Variants in NPAT observed in about 807,000 individuals in gnomAD.
The protein encoded by NPAT is protein NPAT.
A neutral mutation model predicts 130.7 loss-of-function variants in NPAT; 52 were observed. That is an observed-to-expected ratio of 0.40 (90% CI 0.32 to 0.50). The LOEUF (loss-of-function observed/expected upper bound fraction) is 0.50. NPAT is among the 20% of genes least tolerant of loss of function. The pLI, the probability that NPAT is intolerant of heterozygous loss-of-function variation, is 0.68. For missense variants in NPAT, 1,687 were observed against 1,662.6 expected, an observed-to-expected ratio of 1.01 and a Z score of -0.26; for synonymous variants, 580 against 584.8, an observed-to-expected ratio of 0.99 and a Z score of 0.12.
In NPAT at chr11:108,189,108, G is replaced by C; in HGVS notation, c.554C>G (p.Thr185Ser). Residue 185 changes from threonine (T) to serine (S), a missense_variant and splice_region_variant, in exon 6 of 18, where the codon ACC (threonine) becomes AGC (serine). By Grantham distance (58) the Thr-to-Ser change is moderately conservative. Coordinates refer to ENST00000278612, the MANE Select transcript of NPAT (RefSeq NM_002519.3). ...VNHSQSQDTV[T>S]TGEALNVIPG... ...AAGAGAACAAAATGTAAACTTACTG[G>C]TTACAGTATCTTGTGACTGTGAGTG... 1 of 1,609,964 alleles carries C rather than the reference G, an allele frequency of 6.2e-7. No homozygotes were observed. The highest frequency in any genetic ancestry group is 8.5e-7 in the Non-Finnish European group (1 of 1,176,472).
At chr11:108,192,398 G>A (rs1178807378) in intron 3 of NPAT, among the ~76,000 whole-genome samples, 1 of 152,120 alleles carries the variant, frequency 6.6e-6, no homozygotes, top group Non-Finnish European at 1.5e-5. Context: ...TACAATATGA[G>A]TAGAAATGGA....
At chr11:108,192,725 G>C (rs2078182369) in intron 3 of NPAT, among the ~76,000 whole-genome samples, 1 of 152,032 alleles carries the variant, frequency 6.6e-6, no homozygotes, top group African/African-American at 2.4e-5. Context: ...GGAGGCTGAG[G>C]TGGGCAGATC....
intron 2 of NPAT, among the ~76,000 whole-genome samples, chr11:108,194,443 A>G (rs2078200886): frequency 6.6e-6 from 1 of 152,224 alleles, no homozygotes; most frequent in Non-Finnish European, 1.5e-5. Context: ...CACAGTGAGA[A>G]ATCTGGCTCC....
Position 108,189,287 on chromosome 11 carries a change from C to A in NPAT, c.375G>T (p.Lys125Asn). ...TGIAEIKRQR[K>N]LASQTAPASA... Reference sequence around the variant, plus strand: ...TGGCTGGAGCTGTTTGAGATGCAAGCTTTCTCTGCCGTTTGATTTCTGCAA... The same window carrying A: ...TGGCTGGAGCTGTTTGAGATGCAAGATTTCTCTGCCGTTTGATTTCTGCAA... The change falls in exon 6 of 18, where the codon AAG becomes AAT. Residue 125 changes from lysine to asparagine, a missense_variant. Around this residue, in one of 3 missense-constraint regions of NPAT, gnomAD observed 307 missense variants for 298.9 expected, o/e 1.03. Coordinates refer to ENST00000278612, the MANE Select transcript of NPAT (RefSeq NM_002519.3). The A allele has an allele frequency of 6.2e-7, 1 of 1,614,158 alleles. No individual in the cohort carries two copies. The highest frequency in any genetic ancestry group is 8.5e-7 in the Non-Finnish European group (1 of 1,180,034).
At position 108,163,315 on chromosome 11, in the gene NPAT, A is replaced by G. The variant is rs533403178; in HGVS notation, c.3011-1135T>C. On this transcript the variant is annotated intron_variant, in intron 15 of 17. Transcript: ENST00000278612. ...GGCCAGTCTCAAAACTCTTGACCTC[A>G]GGTGATCTACCCTCCTCGGCTTCCC... 8.5e-5 allele frequency among the ~76,000 whole-genome samples: 13 copies of G among 152,258 alleles called. No individual in the cohort carries two copies. In the East Asian group the frequency reaches 2.5e-3, roughly 29 times the overall value.
rs1016349965 is a variant in NPAT, at chr11:108,158,833, C to T, written c.*109G>A. 13 of 704,814 alleles carry T rather than the reference C, an allele frequency of 1.8e-5. No individual in the cohort carries two copies. Among genetic ancestry groups the T allele is most frequent in the African/African-American group, 1.8e-4 (10 of 57,000 alleles). The allele number at this position is 704,814 out of a possible 1,614,324, so 43.7% of individuals were successfully genotyped here. On this transcript the variant is annotated 3_prime_UTR_variant, in exon 18 of 18. Transcript: ENST00000278612. The stretch of plus-strand genomic sequence containing the variant: ...TTAGATATAAAGTGAAGTTTCAGTA[C>T]AATGAAAGTGCAGGTCATGCTTTCA...
At position 108,158,829 on chromosome 11, in the gene NPAT, A is replaced by G; in HGVS notation, c.*113T>C. 1 of 688,068 alleles carries G rather than the reference A, an allele frequency of 1.5e-6. No homozygotes were observed. Among genetic ancestry groups the G allele is most frequent in the Non-Finnish European group, 2.6e-6 (1 of 380,866 alleles). The allele number at this position is 688,068 out of a possible 1,614,324, so 42.6% of individuals were successfully genotyped here. Reference sequence around the variant, plus strand: ...TGATTTAGATATAAAGTGAAGTTTCAGTACAATGAAAGTGCAGGTCATGCT... The same window carrying G: ...TGATTTAGATATAAAGTGAAGTTTCGGTACAATGAAAGTGCAGGTCATGCT... On this transcript the variant is annotated 3_prime_UTR_variant, in exon 18 of 18. Coordinates refer to ENST00000278612, the MANE Select transcript of NPAT (RefSeq NM_002519.3).
intron 1 of NPAT, among the ~76,000 whole-genome samples, chr11:108,205,929 C>T (rs1334595948): frequency 6.6e-6 from 1 of 152,138 alleles, no homozygotes; most frequent in Non-Finnish European, 1.5e-5. Context: ...CCTGTAATCT[C>T]AGCTACTTGG....
chr11:108,203,099 G>C (rs745802686), intron 1 of NPAT, among the ~76,000 whole-genome samples: 5 of 152,126 alleles, frequency 3.3e-5, no homozygotes, highest in Non-Finnish European at 7.4e-5. Context: ...AGACTCATCT[G>C]CCCTGTATTA....
chr11:108,175,175 T>C (rs1378428893), intron 12 of NPAT, among the ~76,000 whole-genome samples: 1 of 152,214 alleles, frequency 6.6e-6, no homozygotes. Flanking sequence ...TATTACAGTA[T>C]ATTGTTATAA....
intron 10 of NPAT, among the ~76,000 whole-genome samples, chr11:108,182,230 G>T (rs1241492162): frequency 8.5e-5 from 13 of 152,200 alleles, no homozygotes; most frequent in Non-Finnish European, 1.9e-4. Flanking sequence ...ATGGGGGTCA[G>T]AAAGGAGTCT....
intron 1 of NPAT, chr11:108,208,387 C>A: frequency 2.2e-6 from 1 of 450,240 alleles, no homozygotes. Flanking sequence ...GCCTAGGGTT[C>A]AAGACCATCC....
At chr11:108,172,093 A>G (rs772272858) in intron 13 of NPAT, 106 bp downstream of exon 13, 1 of 937,714 alleles carries the variant, frequency 1.1e-6, no homozygotes. Context: ...ATCTTTTCTC[A>G]TACCATCTAC....
chr11:108,177,600 G>A (rs1410447677), intron 10 of NPAT, among the ~76,000 whole-genome samples: 1 of 152,064 alleles, frequency 6.6e-6, no homozygotes, highest in East Asian at 1.9e-4. Context: ...AACTAGATAG[G>A]TGTTTCCTAA....
chr11:108,190,964 G>T (rs898233195), intron 4 of NPAT, among the ~76,000 whole-genome samples: 1 of 152,144 alleles, frequency 6.6e-6, no homozygotes, highest in African/African-American at 2.4e-5. Flanking sequence ...AGGTACTTGG[G>T]AGGCTGAGGT....
intron 15 of NPAT, among the ~76,000 whole-genome samples, chr11:108,162,483 C>G (rs559154310): frequency 7.2e-5 from 11 of 152,136 alleles, no homozygotes; most frequent in Admixed American, 7.2e-4. Context: ...CAGGCTGGAG[C>G]GCAGTGGCAT....
chr11:108,212,753 T>G (rs58774930), intron 1 of NPAT, among the ~76,000 whole-genome samples: 1,556 of 151,408 alleles, frequency 0.01, 13 homozygotes, highest in Middle Eastern at 0.017. Flanking sequence ...GAGACCAGTC[T>G]GGCCAACATG....
At chr11:108,188,226 T>A (rs778924126) in intron 6 of NPAT, 47 bp from the exon 7 acceptor site, 5 of 1,373,446 alleles carry the variant, frequency 3.6e-6, no homozygotes, top group Non-Finnish European at 5.2e-6. Flanking sequence ...ACTGAATAGT[T>A]TTCTAAACTT....
rs199955412 is a variant in NPAT at position 108,161,104 on chromosome 11, C to T, written c.3982G>A (p.Val1328Ile). The stretch of plus-strand genomic sequence containing the variant: ...ATTAATGTGTGGGCAGCCATATTTA[C>T]ACTGTTTTCACTTCCTGTTTCACTG... ...PASETGSENS[V>I]NMAAHTLMIL... Residue 1328 changes from valine to isoleucine, a missense_variant, in exon 17 of 18, where the codon GTA (valine) becomes ATA (isoleucine). This residue lies in a region of NPAT where 1,379 missense variants were observed against 1,346.6 expected (regional missense o/e 1.02). Transcript: ENST00000278612. 195 of 1,614,066 alleles carry T rather than the reference C, an allele frequency of 1.2e-4. 1 individual carries two copies. The highest frequency in any genetic ancestry group is 1.6e-4 in the Non-Finnish European group (188 of 1,180,044).
Sources: gnomAD v4.1 joint callset for allele counts (sites outside exome capture counted in the v4.1 genomes callset) on GRCh38, gnomAD v4.1.1 for gene constraint, gnomAD v4.1.1 regional missense constraint, MANE v1.5 for transcripts, NCBI Gene and HGNC (gene_info 2026-07-23, HGNC 2026-07-21) for gene names.